LAMA2: variants seen among roughly 807,000 people sequenced by gnomAD.
The protein encoded by LAMA2 is laminin subunit alpha-2.
LAMA2 carries 269 observed loss-of-function variants against 364.8 expected under a neutral mutation model. That is an observed-to-expected ratio of 0.74 (90% confidence interval 0.67 to 0.82). The LOEUF (loss-of-function observed/expected upper bound fraction) is 0.82. LAMA2 is among the 40% of genes least tolerant of loss of function. LAMA2 has a pLI of 0.00. For missense variants in LAMA2, 3,807 were observed against 3,873.2 expected (o/e 0.98, Z 0.45); for synonymous variants, 1,379 against 1,370.6 (o/e 1.01, Z -0.14).
At chr6:129,246,553 G>A (rs542775894) in intron 12 of LAMA2, among the ~76,000 whole-genome samples, 26 of 152,250 alleles carry the variant, frequency 1.7e-4, no homozygotes, top group African/African-American at 6.3e-4. Context: ...GAAACTACAC[G>A]GAAACTTGAA....
At chr6:129,345,711 T>C (rs1341826002) in intron 30 of LAMA2, among the ~76,000 whole-genome samples, 2 of 149,380 alleles carry the variant, frequency 1.3e-5, no homozygotes, top group African/African-American at 2.5e-5. Flanking sequence ...AATATATGTA[T>C]TATACACCAT....
In LAMA2 at chr6:128,883,273, C is replaced by T. The variant is rs754627719; in HGVS notation, c.28C>T (p.Leu10Phe). MPGAAGVLL[L>F]LLLSGGLGGV... ...GCCGGGAGCCGCCGGGGTCCTCCTC[C>T]TTCTGCTGCTCTCCGGAGGCCTCGG... is the stretch of plus-strand genomic sequence containing the variant. Residue 10 changes from leucine to phenylalanine, a missense_variant, in exon 1 of 65, where the codon CTT becomes TTT. Transcript: ENST00000421865. The T allele has an allele frequency of 7.0e-6, 11 of 1,565,368 alleles. No individual in the cohort carries two copies. The highest frequency in any genetic ancestry group is 1.7e-4 in the Middle Eastern group (1 of 6,040).
chr6:129,006,777 A>C (rs1784463757), intron 1 of LAMA2, among the ~76,000 whole-genome samples: 1 of 152,026 alleles, frequency 6.6e-6, no homozygotes, highest in Non-Finnish European at 1.5e-5. Flanking sequence ...CCCCTTTGTA[A>C]TCAGATCTCC....
At chr6:129,247,276 C>A (rs890108237) in intron 12 of LAMA2, among the ~76,000 whole-genome samples, 2 of 151,994 alleles carry the variant, frequency 1.3e-5, no homozygotes, top group African/African-American at 4.8e-5. Flanking sequence ...ATGGCGAAAT[C>A]CCATCTCTAC....
intron 15 of LAMA2, among the ~76,000 whole-genome samples, chr6:129,261,351 T>C (rs1787114492): frequency 1.3e-5 from 2 of 152,162 alleles, no homozygotes; most frequent in African/African-American, 4.8e-5. Flanking sequence ...GTCTTTGATT[T>C]GTTTAGCACC....
chr6:129,214,936 C>T (rs1251216445), intron 12 of LAMA2, among the ~76,000 whole-genome samples: 1 of 152,044 alleles, frequency 6.6e-6, no homozygotes, highest in Non-Finnish European at 1.5e-5. Context: ...TTTAATTTTT[C>T]TTTGATTTCT....
At chr6:129,255,470 T>C (rs1426773842) in intron 14 of LAMA2, among the ~76,000 whole-genome samples, 2 of 142,730 alleles carry the variant, frequency 1.4e-5, no homozygotes, top group Non-Finnish European at 3.0e-5. Context: ...AGAGGTCAGC[T>C]GCCCTAACAG....
At chr6:129,170,648 G>A (rs1780078931) in intron 9 of LAMA2, among the ~76,000 whole-genome samples, 1 of 151,668 alleles carries the variant, frequency 6.6e-6, no homozygotes, top group Non-Finnish European at 1.5e-5. Flanking sequence ...TGTTGATTTG[G>A]GGTGGAGAGT....
intron 44 of LAMA2, 44 bp from the exon 45 acceptor site, chr6:129,445,623 G>C (rs761647160): frequency 6.6e-7 from 1 of 1,515,518 alleles, no homozygotes; most frequent in South Asian, 1.1e-5. Context: ...GTGTGTGCAC[G>C]TGTGTGCATG....
At chr6:129,132,157 C>CTT (rs1777518550) in intron 4 of LAMA2, among the ~76,000 whole-genome samples, 1 of 151,210 alleles carries the variant, frequency 6.6e-6, no homozygotes, top group Non-Finnish European at 1.5e-5. Context: ...AGAAAGAACT[C>CTT]TGACCTTACT....
chr6:129,507,623 A>C lies in LAMA2; in HGVS notation c.8838A>C (p.Gly2946=), dbSNP rs1786205456. ...CTCAGAGGGGAACATATTTTGACGG[A>C]ACCGGTTTTGCCAAAGCAGGTAAGG... The part of the protein sequence containing the change: ...ANAQRGTYFD[G]TGFAKAVGGF... Residue 2946 remains glycine (G), a synonymous_variant, in exon 62 of 65, where the codon GGA becomes GGC. Coordinates refer to ENST00000421865, the MANE Select transcript of LAMA2 (RefSeq NM_000426.4). 1 of 1,614,070 alleles carries C rather than the reference A, an allele frequency of 6.2e-7. No individual in the cohort carries two copies. Among genetic ancestry groups the C allele is most frequent in the African/African-American group, 1.3e-5 (1 of 74,950 alleles).
rs10652900 is a variant in LAMA2, at chr6:128,957,836, A to ATTTTT, written c.112+74498_112+74502dup. ...CTTCCCAGGCTGTACTACTTCATGCATTTTTTTTTTTTTTTTTTTTTTTGC... is the reference window on the plus strand; with the variant it reads ...CTTCCCAGGCTGTACTACTTCATGCATTTTTTTTTTTTTTTTTTTTTTTTTTTTGC... On this transcript the variant is annotated intron_variant, in intron 1 of 64. Coordinates refer to ENST00000421865, the MANE Select transcript of LAMA2 (RefSeq NM_000426.4). Among the ~76,000 whole-genome samples the ATTTTT allele has an allele frequency of 1.3e-3, 67 of 51,262 alleles. 4 individuals are homozygous for ATTTTT. Among genetic ancestry groups the ATTTTT allele is most frequent in the African/African-American group, 4.0e-3 (51 of 12,694 alleles). The allele number at this position is 51,262 out of a possible 152,430, so 33.6% of individuals were successfully genotyped here.
intron 64 of LAMA2, 127 bp downstream of exon 64, chr6:129,514,722 C>G: frequency 1.2e-6 from 1 of 802,102 alleles, no homozygotes. Flanking sequence ...TTAGAATCTG[C>G]TTAGAATCTG....
intron 57 of LAMA2, 100 bp downstream of exon 57, chr6:129,492,177 G>T: frequency 7.1e-7 from 1 of 1,400,090 alleles, no homozygotes; most frequent in South Asian, 1.2e-5. Flanking sequence ...TGCAGGGGAG[G>T]AGGGAAACAA....
At chr6:129,459,272 T>G (rs1316434089) in intron 48 of LAMA2, among the ~76,000 whole-genome samples, 1 of 152,100 alleles carries the variant, frequency 6.6e-6, no homozygotes, top group Admixed American at 6.6e-5. Context: ...AAATACAGTA[T>G]TATAATTTTA....
At chr6:129,313,472 C>T (rs746143728) in intron 23 of LAMA2, among the ~76,000 whole-genome samples, 2 of 152,060 alleles carry the variant, frequency 1.3e-5, no homozygotes, top group African/African-American at 2.4e-5. Context: ...AATAATAAGG[C>T]TTATAAAAAC....
Position 129,331,153 on chromosome 6 carries a change from G to C in LAMA2, c.4311+2741G>C, listed in dbSNP as rs143807303. ...GGCCTCCCAAAGTGCTGGGACTACAGGCGTAAGCCACTGCGCCCGGCCACC... is the reference window on the plus strand; with the variant it reads ...GGCCTCCCAAAGTGCTGGGACTACACGCGTAAGCCACTGCGCCCGGCCACC... On this transcript the variant is annotated intron_variant, in intron 29 of 64. Coordinates refer to ENST00000421865, the MANE Select transcript of LAMA2 (RefSeq NM_000426.4). Among the ~76,000 whole-genome samples, 933 of 152,262 alleles carry C rather than the reference G, an allele frequency of 6.1e-3. 8 individuals are homozygous for C. The highest frequency in any genetic ancestry group is 0.022 in the African/African-American group (901 of 41,550).
chr6:129,177,595 A>G, intron 9 of LAMA2, 111 bp from the exon 10 acceptor site: 4 of 1,095,824 alleles, frequency 3.7e-6, no homozygotes, highest in Non-Finnish European at 5.4e-6. Flanking sequence ...ATATATAAAA[A>G]ATCTATTTTT....
chr6:128,986,786 A>T (rs185296714), intron 1 of LAMA2, among the ~76,000 whole-genome samples: 1 of 152,098 alleles, frequency 6.6e-6, no homozygotes, highest in African/African-American at 2.4e-5. Context: ...AAACAACTTC[A>T]TTTGCTTCAT....
Sources: gnomAD v4.1 joint callset for allele counts (sites outside exome capture counted in the v4.1 genomes callset) on GRCh38, gnomAD v4.1.1 for gene constraint, MANE v1.5 for transcripts, NCBI Gene and HGNC (gene_info 2026-07-23, HGNC 2026-07-21) for gene names.